SYNPO2: variants seen among roughly 807,000 people sequenced by gnomAD.
The protein encoded by SYNPO2 is synaptopodin 2.
SYNPO2 carries 56 observed loss-of-function variants against 85.0 expected under a neutral mutation model. The ratio of observed to expected loss-of-function variants is 0.66; its 90% CI spans 0.53 to 0.82. The LOEUF (loss-of-function observed/expected upper bound fraction) is 0.82. SYNPO2 is among the 40% of genes least tolerant of loss of function. The pLI, the probability that SYNPO2 is intolerant of heterozygous loss-of-function variation, is 0.00. For missense variants in SYNPO2, 1,575 were observed against 1,534.2 expected (o/e 1.03, Z -0.44); for synonymous variants, 602 against 591.1 (o/e 1.02, Z -0.27).
chr4:118,986,329 TAA>T (rs1371097799), intron 1 of SYNPO2, among the ~76,000 whole-genome samples: 2 of 152,224 alleles, frequency 1.3e-5, no homozygotes, highest in African/African-American at 4.8e-5. Context: ...GTAATCCAGT[TAA>T]GACTTGCTTT....
At chr4:119,033,886 G>T (rs998662921) in intron 4 of SYNPO2, 1 of 985,156 alleles carries the variant, frequency 1.0e-6, no homozygotes, top group African/African-American at 1.7e-5. Context: ...TAATCCTTAG[G>T]TATTTCTAAA....
At position 118,957,913 on chromosome 4, in the gene SYNPO2, C is replaced by T. The variant is rs114591088; in HGVS notation, c.106-65517C>T. Among the ~76,000 whole-genome samples, 859 of 152,280 alleles carry T rather than the reference C, an allele frequency of 5.6e-3. 10 individuals are homozygous for T. The highest frequency in any genetic ancestry group is 0.02 in the African/African-American group (822 of 41,556). On this transcript the variant is annotated intron_variant, in intron 1 of 4. Transcript: ENST00000307142. ...ACTGGAACCCATGGCTGCTCACTCC[C>T]GTCAGAGCTTGATGGGAATAGTCAA...
chr4:118,875,003 C>G (rs1227208528), intron 1 of SYNPO2, among the ~76,000 whole-genome samples: 2 of 152,186 alleles, frequency 1.3e-5, no homozygotes, highest in Non-Finnish European at 1.5e-5. Context: ...AGCTCTTCTT[C>G]CTAATGCTCT....
chr4:118,995,106 T>C (rs1736540003), intron 1 of SYNPO2, among the ~76,000 whole-genome samples: 1 of 152,192 alleles, frequency 6.6e-6, no homozygotes. Flanking sequence ...CAATTCTCTA[T>C]GGTATCTAAG....
At chr4:118,884,341 A>G (rs1379182290), upstream of SYNPO2, among the ~76,000 whole-genome samples, 1 of 152,204 alleles carries the variant, frequency 6.6e-6, no homozygotes, top group Non-Finnish European at 1.5e-5. Context: ...GGCTTTCTCC[A>G]TTGGCTGCAA....
chr4:119,034,604 G>T lies in SYNPO2; in HGVS notation c.3252+2577G>T, dbSNP rs934160539. 8 of 985,350 alleles carry T rather than the reference G, an allele frequency of 8.1e-6. No homozygotes were observed. In the Admixed American group the frequency reaches 4.3e-4, roughly 53 times the overall value. 61.0% of individuals were successfully genotyped at this position (985,350 alleles called of 1,614,324 possible). A position where few individuals can be genotyped will look rare whatever the true frequency, so the allele number is the denominator to read the frequency against. On this transcript the variant is annotated intron_variant, in intron 4 of 4. Coordinates refer to ENST00000307142, the MANE Select transcript of SYNPO2 (RefSeq NM_133477.3). ...CACTGGCAGCATAGGTCTCATCTTGGACCATACAGTCCCACTTTATAGAAG... is the reference window on the plus strand; with the variant it reads ...CACTGGCAGCATAGGTCTCATCTTGTACCATACAGTCCCACTTTATAGAAG...
intron 1 of SYNPO2, among the ~76,000 whole-genome samples, chr4:118,879,141 C>G (rs902458801): frequency 6.6e-6 from 1 of 152,128 alleles, no homozygotes; most frequent in Admixed American, 6.5e-5. Flanking sequence ...GAAGAAACTC[C>G]CGACACATCT....
chr4:119,035,286 C>T, intron 4 of SYNPO2: 1 of 985,384 alleles, frequency 1.0e-6, no homozygotes, highest in Non-Finnish European at 1.2e-6. Flanking sequence ...GCTTGGGATT[C>T]TAGGAGGAAG....
rs758480021 is a variant in SYNPO2 at position 119,023,501 on chromosome 4, C to G, written c.177C>G (p.Asn59Lys). The G allele has an allele frequency of 6.2e-7, 1 of 1,614,014 alleles. No individual in the cohort carries two copies. The highest frequency in any genetic ancestry group is 8.5e-7 in the Non-Finnish European group (1 of 1,179,956). ...ATGAAGTGGTTTCCATCAATGGCAA[C>G]CCTTGTGCAGATCTCACCTACCCTG... ...EGDEVVSING[N>K]PCADLTYPEV... is the part of the protein sequence containing the mutation. The change falls in exon 2 of 5, where the codon AAC (asparagine) becomes AAG (lysine). Residue 59 changes from asparagine to lysine, a missense_variant. By Grantham distance (94) the Asn-to-Lys change is moderately conservative. This residue lies in a region of SYNPO2 where 12 missense variants were observed against 31.9 expected (regional missense o/e 0.38). Transcript: ENST00000307142.
Position 119,022,512 on chromosome 4 carries a change from G to GTT in SYNPO2, c.106-893_106-892dup, listed in dbSNP as rs778146297. 4.4e-3 allele frequency among the ~76,000 whole-genome samples: 384 copies of GTT among 87,122 alleles called. 40 individuals carry two copies. Among genetic ancestry groups the GTT allele is most frequent in the South Asian group, 9.9e-3 (18 of 1,818 alleles). The allele number at this position is 87,122 out of a possible 152,430, so 57.2% of individuals were successfully genotyped here. A position where few individuals can be genotyped will look rare whatever the true frequency, so the allele number is the denominator to read the frequency against. ...GGGCTAATTTTTGCATTTTTTGTAG[G>GTT]TTTTTTTTTTTTTTTTTTTTTTTTT... On this transcript the variant is annotated intron_variant, in intron 1 of 4. Transcript: ENST00000307142.
chr4:118,899,395 C>A (rs1560838917), intron 1 of SYNPO2, among the ~76,000 whole-genome samples: 1 of 151,914 alleles, frequency 6.6e-6, no homozygotes, highest in Non-Finnish European at 1.5e-5. Flanking sequence ...TTCTCACTGA[C>A]CAGAACTTTT....
intron 1 of SYNPO2, among the ~76,000 whole-genome samples, chr4:118,909,704 A>G (rs1246775739): frequency 6.6e-6 from 1 of 152,188 alleles, no homozygotes; most frequent in Non-Finnish European, 1.5e-5. Context: ...ATGGAGGAGC[A>G]GAGGGAGATG....
chr4:119,033,503 G>A (rs1010981854), intron 4 of SYNPO2: 17 of 985,152 alleles, frequency 1.7e-5, no homozygotes, highest in African/African-American at 3.5e-5. Context: ...GAAAATATTC[G>A]ACATGAATTA....
chr4:118,914,592 G>T (rs1040822806), intron 1 of SYNPO2, among the ~76,000 whole-genome samples: 2 of 152,058 alleles, frequency 1.3e-5, no homozygotes, highest in African/African-American at 4.8e-5. Flanking sequence ...TATCTGGGAG[G>T]GTTTTTTTGT....
intron 1 of SYNPO2, among the ~76,000 whole-genome samples, chr4:118,868,242 C>T (rs1344044638): frequency 6.6e-5 from 10 of 151,880 alleles, no homozygotes; most frequent in Admixed American, 6.6e-4. Context: ...AACTGATTTT[C>T]TAAATTTGGG....
At chr4:118,984,197 A>G (rs547392232) in intron 1 of SYNPO2, among the ~76,000 whole-genome samples, 19 of 152,300 alleles carry the variant, frequency 1.2e-4, no homozygotes, top group African/African-American at 4.6e-4. Context: ...TTTCCATACA[A>G]AAGAAACTGG....
At chr4:118,976,003 T>C (rs992862232) in intron 1 of SYNPO2, among the ~76,000 whole-genome samples, 1 of 152,248 alleles carries the variant, frequency 6.6e-6, no homozygotes, top group Non-Finnish European at 1.5e-5. Context: ...CATTTATTAA[T>C]AGACTCCCTG....
intron 1 of SYNPO2, among the ~76,000 whole-genome samples, chr4:118,928,091 G>A (rs189872969): frequency 5.0e-4 from 76 of 152,280 alleles, no homozygotes; most frequent in African/African-American, 1.8e-3. Context: ...AACCCAGAAG[G>A]AGCTTTCAAA....
At chr4:118,943,403 A>G (rs1734387155) in intron 1 of SYNPO2, among the ~76,000 whole-genome samples, 1 of 152,222 alleles carries the variant, frequency 6.6e-6, no homozygotes, top group Admixed American at 6.5e-5. Context: ...GTTTAGCATG[A>G]GAACCAAAAT....
Sources: gnomAD v4.1 joint callset for allele counts (sites outside exome capture counted in the v4.1 genomes callset) on GRCh38, gnomAD v4.1.1 for gene constraint, gnomAD v4.1.1 regional missense constraint, MANE v1.5 for transcripts, NCBI Gene and HGNC (gene_info 2026-07-23, HGNC 2026-07-21) for gene names.